The following PCDH9 variants were observed in gnomAD, a reference collection of about 807,000 sequenced individuals.
PCDH9 encodes the protein protocadherin-9.
Under a neutral mutation model 70.6 loss-of-function variants are expected in PCDH9, and 24 were observed. The observed-to-expected ratio is 0.34, with a 90% CI of 0.25 to 0.48. PCDH9 has a LOEUF of 0.48. PCDH9 is among the 20% of genes least tolerant of loss of function. The probability of loss-of-function intolerance (pLI) is 0.99; values close to 1 mark genes in which losing one functional copy is unlikely to be tolerated. For missense variants in PCDH9, 1,281 were observed against 1,503.6 expected (o/e 0.85, Z 2.45); for synonymous variants, 562 against 558.5 (o/e 1.01, Z -0.09).
At chr13:66,420,703 T>A (rs1219825110) in intron 4 of PCDH9, among the ~76,000 whole-genome samples, 1 of 152,046 alleles carries the variant, frequency 6.6e-6, no homozygotes, top group African/African-American at 2.4e-5. Flanking sequence ...AGACCAAAAG[T>A]AGATAAATCC....
rs60088223 is a variant in PCDH9, at chr13:66,662,041, A to ATG, written c.3139-30632_3139-30631dup. Among the ~76,000 whole-genome samples the ATG allele has an allele frequency of 4.2e-3, 625 of 150,346 alleles. 2 individuals carry two copies. Among genetic ancestry groups the ATG allele is most frequent in the African/African-American group, 0.013 (513 of 40,938 alleles). On this transcript the variant is annotated intron_variant, in intron 3 of 4. Coordinates refer to ENST00000377865, the MANE Select transcript of PCDH9 (RefSeq NM_203487.3). ...TGATGAAAAATTATCCTTTGTGAGTATGTGTGTGTGTGTGTGTGTGTATGT... is the reference window on the plus strand; with the variant it reads ...TGATGAAAAATTATCCTTTGTGAGTATGTGTGTGTGTGTGTGTGTGTGTATGT...
intron 3 of PCDH9, among the ~76,000 whole-genome samples, chr13:66,675,853 G>T (rs2078235542): frequency 6.6e-6 from 1 of 152,132 alleles, no homozygotes; most frequent in Non-Finnish European, 1.5e-5. Context: ...AGTCAGTTAA[G>T]TACTCTGCCA....
At chr13:66,413,123 CA>C (rs1232990932) in intron 4 of PCDH9, among the ~76,000 whole-genome samples, 3 of 152,140 alleles carry the variant, frequency 2.0e-5, no homozygotes, top group African/African-American at 7.2e-5. Flanking sequence ...GAAAAAAATG[CA>C]AGTGCTTCTA....
chr13:66,857,845 C>G (rs1399440310), intron 3 of PCDH9, among the ~76,000 whole-genome samples: 1 of 152,050 alleles, frequency 6.6e-6, no homozygotes, highest in Admixed American at 6.6e-5. Flanking sequence ...AGCACCTTTT[C>G]CTCCCAATTC....
At chr13:66,590,163 A>G (rs1214136725) in intron 4 of PCDH9, among the ~76,000 whole-genome samples, 1 of 151,964 alleles carries the variant, frequency 6.6e-6, no homozygotes, top group African/African-American at 2.4e-5. Context: ...GATATCATGT[A>G]AATTTGTTTC....
chr13:66,650,176 C>CA (rs543460038), intron 3 of PCDH9, among the ~76,000 whole-genome samples: 2,284 of 150,920 alleles, frequency 0.015, 26 homozygotes, highest in Non-Finnish European at 0.022. Flanking sequence ...ACTGTCCAAT[C>CA]AAAAAAAATA....
intron 3 of PCDH9, among the ~76,000 whole-genome samples, chr13:66,841,615 C>A (rs2081117347): frequency 6.6e-6 from 1 of 152,148 alleles, no homozygotes; most frequent in Non-Finnish European, 1.5e-5. Flanking sequence ...AAAGTCTGAT[C>A]TATAACCCAT....
At chr13:66,986,728 AATAG>A (rs1392624996) in intron 2 of PCDH9, among the ~76,000 whole-genome samples, 2 of 152,068 alleles carry the variant, frequency 1.3e-5, no homozygotes, top group Admixed American at 6.6e-5. Flanking sequence ...GATGTTTAAA[AATAG>A]ATAGGAAGAT....
chr13:66,415,018 T>G (rs1957437943), intron 4 of PCDH9, among the ~76,000 whole-genome samples: 1 of 152,112 alleles, frequency 6.6e-6, no homozygotes, highest in South Asian at 2.1e-4. Context: ...ATAGATATGG[T>G]GTTAAGGATC....
At chr13:67,115,493 G>A (rs1257885356) in intron 2 of PCDH9, among the ~76,000 whole-genome samples, 2 of 152,128 alleles carry the variant, frequency 1.3e-5, no homozygotes, top group African/African-American at 2.4e-5. Flanking sequence ...TTTTGCTGCC[G>A]CTTTTCTATT....
In PCDH9 at chr13:67,067,257, T is replaced by C. The variant is rs1040271973; in HGVS notation, c.3036+158148A>G. Among the ~76,000 whole-genome samples the C allele has an allele frequency of 2.0e-5, 3 of 152,342 alleles. No homozygotes were observed. The East Asian group carries it at 5.8e-4, about 29-fold the overall frequency. On this transcript the variant is annotated intron_variant, in intron 2 of 4. Coordinates refer to ENST00000377865, the MANE Select transcript of PCDH9 (RefSeq NM_203487.3). ...CACTAGAATCACTCAGTAAGAAGTA[T>C]GTATGCCACATATATAATTTTTAAT...
In PCDH9 at chr13:67,228,527, C is replaced by T. The variant is rs891033551; in HGVS notation, c.-87G>A. ...TGCACAAATTGCAAGAGGAAGCGTG[C>T]ATGGACTGGAGGATGCATTATATCT... On this transcript the variant is annotated 5_prime_UTR_variant, in exon 2 of 5. It removes an upstream start codon present in the reference 5' UTR. Transcript: ENST00000377865. 10 of 1,120,058 alleles carry T rather than the reference C, an allele frequency of 8.9e-6. No individual in the cohort carries two copies. The African/African-American group carries it at 1.6e-4, about 18-fold the overall frequency. The allele number at this position is 1,120,058 out of a possible 1,614,324, so 69.4% of individuals were successfully genotyped here.
chr13:67,051,705 G>A (rs958891108), intron 2 of PCDH9, among the ~76,000 whole-genome samples: 1 of 151,926 alleles, frequency 6.6e-6, no homozygotes, highest in East Asian at 1.9e-4. Flanking sequence ...GTGAAGGTAA[G>A]AAAAGACTTA....
rs868766550 is a variant in PCDH9, at chr13:66,559,725, A to G, written c.3340+71485T>C. Among the ~76,000 whole-genome samples the G allele has an allele frequency of 1.4e-4, 20 of 146,882 alleles. No individual in the cohort carries two copies. The Middle Eastern group carries it at 0.014, about 103-fold the overall frequency. On this transcript the variant is annotated intron_variant, in intron 4 of 4. Transcript: ENST00000377865. ...TGAGGCAGGAGAATGGCATGAACCC[A>G]GGAGGCGGAGCTTGCAGTGAGCTGA...
intron 2 of PCDH9, among the ~76,000 whole-genome samples, chr13:66,927,270 C>T (rs1341138818): frequency 4.6e-5 from 7 of 151,912 alleles, no homozygotes; most frequent in Admixed American, 1.3e-4. Context: ...GCTGGAGGCC[C>T]TTATCCTTAG....
chr13:66,588,388 C>T (rs1273808225), intron 4 of PCDH9, among the ~76,000 whole-genome samples: 2 of 151,834 alleles, frequency 1.3e-5, no homozygotes, highest in Non-Finnish European at 2.9e-5. Flanking sequence ...CCAATAAGAG[C>T]GTTGAGATGA....
intron 4 of PCDH9, among the ~76,000 whole-genome samples, chr13:66,564,694 T>C (rs1405370356): frequency 6.6e-6 from 1 of 152,080 alleles, no homozygotes; most frequent in Non-Finnish European, 1.5e-5. Flanking sequence ...ATTATATTAG[T>C]CATAAAATAT....
At chr13:66,369,695 A>C (rs1187776223) in intron 4 of PCDH9, among the ~76,000 whole-genome samples, 2 of 152,178 alleles carry the variant, frequency 1.3e-5, no homozygotes, top group Non-Finnish European at 2.9e-5. Flanking sequence ...AACACTTAAA[A>C]GTAACTGAAC....
At chr13:66,429,413 G>T (rs891313442) in intron 4 of PCDH9, among the ~76,000 whole-genome samples, 20 of 128,078 alleles carry the variant, frequency 1.6e-4, no homozygotes, top group African/African-American at 2.0e-4. Context: ...TTCTTTTATA[G>T]ATTTGTTATT....
Sources: gnomAD v4.1 joint callset for allele counts (sites outside exome capture counted in the v4.1 genomes callset) on GRCh38, gnomAD v4.1.1 for gene constraint, MANE v1.5 for transcripts, NCBI Gene and HGNC (gene_info 2026-07-23, HGNC 2026-07-21) for gene names.